The following ASIC2 variants were observed in gnomAD, a reference collection of about 807,000 sequenced individuals.
ASIC2 encodes the protein acid sensing ion channel subunit 2, also known as acid-sensing ion channel 2.
A neutral mutation model predicts 57.3 loss-of-function variants in ASIC2; 25 were observed. The observed-to-expected ratio is 0.44, with a 90% CI of 0.32 to 0.61. The LOEUF (loss-of-function observed/expected upper bound fraction) is 0.61. Ranked by LOEUF, ASIC2 falls within the 20% of genes least tolerant of loss-of-function variation. The pLI is 0.06. For synonymous variants in ASIC2, 319 were observed against 307.5 expected, an observed-to-expected ratio of 1.04 and a Z score of -0.39; for missense variants, 641 against 738.1, an observed-to-expected ratio of 0.87 and a Z score of 1.52.
intron 1 of ASIC2, among the ~76,000 whole-genome samples, chr17:33,174,418 C>CAAAAAA (rs545016244): frequency 8.2e-6 from 1 of 122,070 alleles, no homozygotes. Context: ...AAGACTCCAT[C>CAAAAAA]AAAAAAAAAA....
intron 1 of ASIC2, among the ~76,000 whole-genome samples, chr17:33,541,608 G>T (rs951462137): frequency 5.3e-5 from 8 of 152,178 alleles, no homozygotes; most frequent in Non-Finnish European, 2.9e-5. Flanking sequence ...CCTATCTGCA[G>T]TAAGGTGAGG....
At chr17:33,397,900 A>T (rs1355391963) in intron 1 of ASIC2, among the ~76,000 whole-genome samples, 1 of 152,222 alleles carries the variant, frequency 6.6e-6, no homozygotes, top group East Asian at 1.9e-4. Context: ...ATCGTTCTTT[A>T]GTCGAATCTT....
intron 1 of ASIC2, among the ~76,000 whole-genome samples, chr17:33,120,085 G>T (rs1379093681): frequency 2.0e-5 from 3 of 152,234 alleles, no homozygotes; most frequent in Non-Finnish European, 4.4e-5. Context: ...AGGTCCTACA[G>T]CTAAAGAGTA....
chr17:34,088,909 G>C (rs1266962188), intron 1 of ASIC2, among the ~76,000 whole-genome samples: 1 of 152,206 alleles, frequency 6.6e-6, no homozygotes, highest in East Asian at 1.9e-4. Context: ...ATTTGGGTGG[G>C]AGTGACACGA....
At chr17:33,058,562 C>T (rs1233144979) in intron 3 of ASIC2, among the ~76,000 whole-genome samples, 1 of 151,730 alleles carries the variant, frequency 6.6e-6, no homozygotes, top group Non-Finnish European at 1.5e-5. Flanking sequence ...TGACGGAGCT[C>T]AGCTCATAAT....
At chr17:33,841,246 G>A (rs1479644967) in intron 1 of ASIC2, among the ~76,000 whole-genome samples, 3 of 152,218 alleles carry the variant, frequency 2.0e-5, no homozygotes, top group Non-Finnish European at 2.9e-5. Flanking sequence ...CTGGCAAGTC[G>A]GGGAAGGTGT....
intron 1 of ASIC2, among the ~76,000 whole-genome samples, chr17:33,754,689 G>C (rs1350201469): frequency 1.3e-5 from 2 of 152,018 alleles, no homozygotes; most frequent in Non-Finnish European, 2.9e-5. Context: ...TGGTGCGGTG[G>C]CTCACGCCTG....
At chr17:34,099,920 C>G (rs1199960893) in intron 1 of ASIC2, among the ~76,000 whole-genome samples, 2 of 152,154 alleles carry the variant, frequency 1.3e-5, no homozygotes, top group Non-Finnish European at 2.9e-5. Context: ...GGCCAAATCA[C>G]AGGGACATGC....
chr17:33,274,374 C>G (rs1497356), intron 1 of ASIC2, among the ~76,000 whole-genome samples: 13,591 of 152,140 alleles, frequency 0.089, 772 homozygotes, highest in South Asian at 0.23. Flanking sequence ...AGAGCTAATA[C>G]AAAAAAGGCC....
intron 1 of ASIC2, among the ~76,000 whole-genome samples, chr17:33,758,982 G>T (rs1910698125): frequency 6.6e-6 from 1 of 151,490 alleles, no homozygotes; most frequent in Non-Finnish European, 1.5e-5. Context: ...CTGAAAATGT[G>T]TAAGCATTTT....
At chr17:33,250,395 A>G (rs2142130983) in intron 1 of ASIC2, among the ~76,000 whole-genome samples, 1 of 152,242 alleles carries the variant, frequency 6.6e-6, no homozygotes, top group South Asian at 2.1e-4. Flanking sequence ...CTTCGCTACC[A>G]TCTTGTAAAT....
At chr17:33,758,092 A>G (rs148161826) in intron 1 of ASIC2, among the ~76,000 whole-genome samples, 1 of 152,366 alleles carries the variant, frequency 6.6e-6, no homozygotes, top group Non-Finnish European at 1.5e-5. Flanking sequence ...TTGCTGCAGT[A>G]TTCACAAAAC....
intron 1 of ASIC2, among the ~76,000 whole-genome samples, chr17:33,980,367 TC>T (rs1266601029): frequency 1.3e-5 from 2 of 151,940 alleles, no homozygotes; most frequent in African/African-American, 4.8e-5. Context: ...TCAAAGAACT[TC>T]CCCAGATGAG....
intron 1 of ASIC2, among the ~76,000 whole-genome samples, chr17:33,768,332 C>T (rs1910996644): frequency 6.6e-6 from 1 of 152,034 alleles, no homozygotes; most frequent in Admixed American, 6.6e-5. Context: ...AAAAGTAACT[C>T]CCACATTTAA....
At chr17:33,103,025 C>T (rs1000878604) in intron 2 of ASIC2, among the ~76,000 whole-genome samples, 4 of 152,124 alleles carry the variant, frequency 2.6e-5, no homozygotes, top group Admixed American at 6.5e-5. Context: ...CCTCGTGATC[C>T]GCCCGCCTTG....
At chr17:34,148,005 C>T (rs779568021) in intron 1 of ASIC2, among the ~76,000 whole-genome samples, 50 of 152,284 alleles carry the variant, frequency 3.3e-4, no homozygotes, top group Middle Eastern at 3.4e-3. Context: ...CTAGGATTCA[C>T]TTTACCAAAA....
intron 1 of ASIC2, among the ~76,000 whole-genome samples, chr17:33,744,607 A>G (rs1910206800): frequency 1.3e-5 from 2 of 152,242 alleles, no homozygotes; most frequent in African/African-American, 4.8e-5. Context: ...CAGAATTGCT[A>G]TAATGTATTA....
intron 1 of ASIC2, among the ~76,000 whole-genome samples, chr17:33,632,244 T>G (rs1430698845): frequency 1.3e-5 from 2 of 152,220 alleles, no homozygotes; most frequent in Non-Finnish European, 2.9e-5. Context: ...TAGTGATAGA[T>G]TCATTGCATT....
At chr17:33,694,310 A>C (rs187726122) in intron 1 of ASIC2, among the ~76,000 whole-genome samples, 1 of 152,314 alleles carries the variant, frequency 6.6e-6, no homozygotes, top group East Asian at 1.9e-4. Flanking sequence ...CTCCACCGTC[A>C]ACAGAATAAA....
Sources: allele counts gnomAD v4.1 joint callset (sites outside exome capture counted in the v4.1 genomes callset), GRCh38; gene constraint gnomAD v4.1.1; transcripts MANE v1.5; gene names NCBI Gene and HGNC (gene_info 2026-07-23, HGNC 2026-07-21).